Variants in CNTN4 observed in about 807,000 individuals in gnomAD.
CNTN4 encodes contactin-4.
Under a neutral mutation model 122.5 loss-of-function variants are expected in CNTN4, and 77 were observed. The observed-to-expected ratio is 0.63, with a 90% CI of 0.52 to 0.76. The LOEUF is 0.76. CNTN4 is among the 30% of genes least tolerant of loss of function. CNTN4 has a pLI of 0.00. For synonymous variants in CNTN4, 512 were observed against 447.0 expected (o/e 1.15, Z -1.83); for missense variants, 1,256 against 1,259.1 (o/e 1.00, Z 0.04).
At chr3:2,449,614 C>CAAAAAAAA (rs34181793) in intron 3 of CNTN4, among the ~76,000 whole-genome samples, 1 of 126,044 alleles carries the variant, frequency 7.9e-6, no homozygotes. Flanking sequence ...GACTCCATCT[C>CAAAAAAAA]AAAAAAAAAA....
intron 3 of CNTN4, among the ~76,000 whole-genome samples, chr3:2,377,640 A>T (rs2045870250): frequency 6.6e-6 from 1 of 152,226 alleles, no homozygotes. Context: ...GATACCCGGA[A>T]TATTTATAAC....
intron 8 of CNTN4, among the ~76,000 whole-genome samples, chr3:2,872,137 A>C (rs987265798): frequency 6.6e-6 from 1 of 151,738 alleles, no homozygotes; most frequent in African/African-American, 2.4e-5. Context: ...GATCTCAAAG[A>C]GTTATCCCTA....
At chr3:2,779,572 T>C (rs926375208) in intron 6 of CNTN4, among the ~76,000 whole-genome samples, 7 of 152,214 alleles carry the variant, frequency 4.6e-5, no homozygotes, top group Non-Finnish European at 8.8e-5. Flanking sequence ...GTAGAAACTT[T>C]GGAGTGAGAC....
intron 3 of CNTN4, among the ~76,000 whole-genome samples, chr3:2,533,666 G>A (rs1478860306): frequency 1.3e-5 from 2 of 152,144 alleles, no homozygotes; most frequent in African/African-American, 4.8e-5. Flanking sequence ...TGGGATGGCT[G>A]GGTCAAATGG....
At chr3:2,163,839 A>G (rs1306584017) in intron 2 of CNTN4, among the ~76,000 whole-genome samples, 2 of 152,314 alleles carry the variant, frequency 1.3e-5, no homozygotes, top group Non-Finnish European at 2.9e-5. Flanking sequence ...AAAAAGTCAA[A>G]AAATAATAGA....
chr3:2,671,534 A>G (rs1023788721), intron 4 of CNTN4, among the ~76,000 whole-genome samples: 1 of 152,118 alleles, frequency 6.6e-6, no homozygotes, highest in Non-Finnish European at 1.5e-5. Context: ...CATGGTTTCA[A>G]ACTTCCTCCT....
At chr3:2,917,408 C>G (rs901121521) in intron 12 of CNTN4, among the ~76,000 whole-genome samples, 1 of 149,600 alleles carries the variant, frequency 6.7e-6, no homozygotes, top group Non-Finnish European at 1.5e-5. Flanking sequence ...GAAGATTTAG[C>G]AGTATTTTTC....
In CNTN4 at chr3:2,617,668, G is replaced by A. The variant is rs528656816; in HGVS notation, c.55+46110G>A. ...GATCTCTTGACCTAGTGATCCGCCT[G>A]TCTCGGCCTCCCAAAGTGCTGGGAT... On this transcript the variant is annotated intron_variant, in intron 4 of 24. Transcript: ENST00000418658. 9.2e-5 allele frequency among the ~76,000 whole-genome samples: 14 copies of A among 152,070 alleles called. No individual in the cohort carries two copies. The East Asian group carries it at 1.2e-3, about 13-fold the overall frequency.
At chr3:2,664,039 T>A (rs1456494931) in intron 4 of CNTN4, among the ~76,000 whole-genome samples, 2 of 152,182 alleles carry the variant, frequency 1.3e-5, no homozygotes, top group African/African-American at 4.8e-5. Flanking sequence ...CAAATGCTAA[T>A]GAGCACAGGT....
intron 5 of CNTN4, among the ~76,000 whole-genome samples, chr3:2,736,870 G>C (rs918596265): frequency 6.6e-6 from 1 of 151,924 alleles, no homozygotes; most frequent in Non-Finnish European, 1.5e-5. Flanking sequence ...TGCAACCTCT[G>C]CCTCCCAGGT....
intron 3 of CNTN4, among the ~76,000 whole-genome samples, chr3:2,529,055 C>A (rs909392240): frequency 6.6e-6 from 1 of 151,972 alleles, no homozygotes. Flanking sequence ...CTGATTTATC[C>A]TATCTGCCTA....
intron 14 of CNTN4, among the ~76,000 whole-genome samples, chr3:2,991,290 A>C (rs1695029155): frequency 6.6e-6 from 1 of 152,186 alleles, no homozygotes; most frequent in South Asian, 2.1e-4. Context: ...AGGGATGTGT[A>C]GGTATGAGCC....
chr3:2,735,978 T>C (rs771167420), intron 4 of CNTN4: 1 of 633,306 alleles, frequency 1.6e-6, no homozygotes, highest in South Asian at 1.4e-5. Flanking sequence ...GCCTGGAAGT[T>C]GTTAGTAAAA....
At chr3:2,565,782 A>C (rs2079132399) in intron 3 of CNTN4, among the ~76,000 whole-genome samples, 1 of 152,046 alleles carries the variant, frequency 6.6e-6, no homozygotes, top group South Asian at 2.1e-4. Flanking sequence ...TCTTGCTTTC[A>C]TTTCTGTTTC....
chr3:2,591,880 T>C (rs1028780497), intron 4 of CNTN4, among the ~76,000 whole-genome samples: 1 of 152,110 alleles, frequency 6.6e-6, no homozygotes, highest in African/African-American at 2.4e-5. Flanking sequence ...TATTTTTTTA[T>C]TTATTTTTAT....
chr3:2,565,191 A>T (rs999279807), intron 3 of CNTN4, among the ~76,000 whole-genome samples: 7 of 152,132 alleles, frequency 4.6e-5, no homozygotes, highest in African/African-American at 1.7e-4. Flanking sequence ...TAATAGATGT[A>T]GCTTCCCGAA....
At chr3:2,274,231 A>G (rs2041411970) in intron 2 of CNTN4, among the ~76,000 whole-genome samples, 1 of 152,136 alleles carries the variant, frequency 6.6e-6, no homozygotes, top group African/African-American at 2.4e-5. Flanking sequence ...AAAAATAAAA[A>G]AATTAGCCAG....
intron 3 of CNTN4, among the ~76,000 whole-genome samples, chr3:2,415,183 G>A (rs115050331): frequency 9.1e-4 from 139 of 152,256 alleles, no homozygotes; most frequent in African/African-American, 3.3e-3. Context: ...CTTCTGCCTT[G>A]CATTCATGCT....
At chr3:2,113,971 G>T (rs1191730125) in intron 2 of CNTN4, among the ~76,000 whole-genome samples, 1 of 152,152 alleles carries the variant, frequency 6.6e-6, no homozygotes, top group South Asian at 2.1e-4. Context: ...TAGAGTTCTT[G>T]CATATACATA....
Sources: gnomAD v4.1 joint callset for allele counts (sites outside exome capture counted in the v4.1 genomes callset) on GRCh38, gnomAD v4.1.1 for gene constraint, MANE v1.5 for transcripts, NCBI Gene and HGNC (gene_info 2026-07-23, HGNC 2026-07-21) for gene names.